The following DAAM1 variants were observed in gnomAD, a reference collection of about 807,000 sequenced individuals.
DAAM1 encodes disheveled-associated activator of morphogenesis 1.
Under a neutral mutation model 130.0 loss-of-function variants are expected in DAAM1, and 52 were observed. The observed-to-expected ratio is 0.40, with a 90% CI of 0.32 to 0.50. The LOEUF (loss-of-function observed/expected upper bound fraction) is 0.50. Among genes scored for constraint, DAAM1 ranks in the 20% least tolerant of loss-of-function variants. The pLI is 0.61. For missense variants in DAAM1, 1,134 were observed against 1,303.8 expected (o/e 0.87, Z 2.01); for synonymous variants, 452 against 444.5 (o/e 1.02, Z -0.21).
intron 17 of DAAM1, among the ~76,000 whole-genome samples, chr14:59,351,256 C>T (rs1398492714): frequency 1.3e-5 from 2 of 152,172 alleles, no homozygotes; most frequent in African/African-American, 4.8e-5. Context: ...AGGCCACCAT[C>T]ATCTCTCACC....
intron 1 of DAAM1, among the ~76,000 whole-genome samples, chr14:59,250,401 T>G (rs557758639): frequency 3.7e-4 from 56 of 152,372 alleles, no homozygotes; most frequent in African/African-American, 1.3e-3. Context: ...ACTATTTTTG[T>G]GGATGTACAA....
In DAAM1 at chr14:59,347,621, C is replaced by T. The variant is rs1886134381; in HGVS notation, c.2158C>T (p.Gln720Ter). The change falls in exon 17 of 25, where the codon CAG becomes TAG. Residue 720 changes from glutamine to a stop codon, truncating the protein, a stop_gained and splice_region_variant. Transcript: ENST00000360909. LOFTEE classifies it high-confidence loss of function. ...AGATCTGCCCAAGGACATGTTGGAA[C>T]AGGTGAGCTACCAGATGTATCTGAG... is the stretch of plus-strand genomic sequence containing the variant. ...QEDLPKDMLE[Q>*]LLKFVPEKSD... 1 of 1,613,398 alleles carries T rather than the reference C, an allele frequency of 6.2e-7. No homozygotes were observed. The highest frequency in any genetic ancestry group is 1.3e-5 in the African/African-American group (1 of 74,890).
Position 59,370,943 on chromosome 14 carries a change from A to G in DAAM1, c.*2084A>G, listed in dbSNP as rs1397315610. ...AATAGACAGGTGGAGGGAAAGTCACATAAAGGAGCAAGTTTGTGTAGCTGT... is the reference window on the plus strand; with the variant it reads ...AATAGACAGGTGGAGGGAAAGTCACGTAAAGGAGCAAGTTTGTGTAGCTGT... On this transcript the variant is annotated 3_prime_UTR_variant, in exon 25 of 25. Transcript: ENST00000360909. The G allele has an allele frequency of 1.3e-5, 2 of 152,010 alleles. No individual in the cohort carries two copies. Among genetic ancestry groups the G allele is most frequent in the Non-Finnish European group, 2.9e-5 (2 of 67,966 alleles). 9.4% of individuals were successfully genotyped at this position (152,010 alleles called of 1,614,324 possible).
rs1887068467 is a variant in DAAM1 at position 59,369,618 on chromosome 14, C to G, written c.*759C>G. The G allele has an allele frequency of 7.9e-6, 1 of 127,192 alleles. No homozygotes were observed. Among genetic ancestry groups the G allele is most frequent in the Non-Finnish European group, 1.8e-5 (1 of 55,574 alleles). The allele number at this position is 127,192 out of a possible 1,614,324, so 7.9% of individuals were successfully genotyped here. A position where few individuals can be genotyped will look rare whatever the true frequency, so the allele number is the denominator to read the frequency against. On this transcript the variant is annotated 3_prime_UTR_variant, in exon 25 of 25. Coordinates refer to ENST00000360909, the MANE Select transcript of DAAM1 (RefSeq NM_001270520.2). ...TTTGGAAAAAAACACTATATAAATG[C>G]AATCCATGCTTTTTTTAAAGAACAA...
chr14:59,216,661 A>G (rs1001576025), intron 1 of DAAM1, among the ~76,000 whole-genome samples: 3 of 152,082 alleles, frequency 2.0e-5, no homozygotes, highest in Non-Finnish European at 4.4e-5. Context: ...CAGAGGTTGC[A>G]GTGAGCTGAT....
chr14:59,219,997 G>C (rs1359831366), intron 1 of DAAM1, among the ~76,000 whole-genome samples: 1 of 152,190 alleles, frequency 6.6e-6, no homozygotes, highest in Non-Finnish European at 1.5e-5. Context: ...TATGGATGTA[G>C]CTATTGGTTT....
chr14:59,302,742 C>T (rs982038800), intron 3 of DAAM1, among the ~76,000 whole-genome samples: 1 of 152,296 alleles, frequency 6.6e-6, no homozygotes, highest in Admixed American at 6.5e-5. Flanking sequence ...GAAACTCCAC[C>T]TTCCAGGTTC....
At position 59,359,191 on chromosome 14, in the gene DAAM1, G is replaced by A. The variant is rs1886608611; in HGVS notation, c.2526-206G>A. The A allele has an allele frequency of 6.4e-6, 3 of 465,394 alleles. No individual in the cohort carries two copies. In the Admixed American group the frequency reaches 1.0e-4, roughly 16 times the overall value. The allele number at this position is 465,394 out of a possible 1,614,324, so 28.8% of individuals were successfully genotyped here. On this transcript the variant is annotated intron_variant, in intron 20 of 24. Coordinates refer to ENST00000360909, the MANE Select transcript of DAAM1 (RefSeq NM_001270520.2). ...GACATATATCTATGCAATCCCCATG[G>A]AGGCTCTCCCATTATTCCTGTCTCT... is the stretch of plus-strand genomic sequence containing the variant.
intron 15 of DAAM1, among the ~76,000 whole-genome samples, chr14:59,334,006 A>G (rs1374968663): frequency 6.6e-6 from 1 of 152,238 alleles, no homozygotes; most frequent in East Asian, 1.9e-4. Context: ...GTTATACTTA[A>G]CACTAAGTAG....
In DAAM1 at chr14:59,261,365, A is replaced by G. The variant is rs113863099; in HGVS notation, c.-37-2076A>G. Among the ~76,000 whole-genome samples the G allele has an allele frequency of 7.4e-4, 113 of 152,304 alleles. 1 individual carries two copies. Among genetic ancestry groups the G allele is most frequent in the African/African-American group, 2.5e-3 (104 of 41,560 alleles). On this transcript the variant is annotated intron_variant, in intron 1 of 24. Transcript: ENST00000360909. Reference sequence around the variant, plus strand: ...TAGTGAGTGACCTGTTCATTTCCATATGCTTAGGTGACTACTGTCATTCCT... The same window carrying G: ...TAGTGAGTGACCTGTTCATTTCCATGTGCTTAGGTGACTACTGTCATTCCT...
At chr14:59,357,638 C>T (rs1224279053) in intron 20 of DAAM1, among the ~76,000 whole-genome samples, 3 of 152,096 alleles carry the variant, frequency 2.0e-5, no homozygotes, top group African/African-American at 4.8e-5. Context: ...GTTATCCAGG[C>T]GTGGTGTCAT....
At chr14:59,367,366 T>TATTTATATTTGA in intron 23 of DAAM1, 63 bp from the exon 24 acceptor site, 1 of 1,528,276 alleles carries the variant, frequency 6.5e-7, no homozygotes, top group Non-Finnish European at 8.8e-7. Context: ...TTTCTCAAGT[T>TATTTATATTTGA]ATTTATATTT....
intron 1 of DAAM1, among the ~76,000 whole-genome samples, chr14:59,243,707 C>G (rs1057330806): frequency 6.6e-6 from 1 of 152,172 alleles, no homozygotes; most frequent in African/African-American, 2.4e-5. Context: ...TTTCCTTTCT[C>G]TCAGCAATCA....
rs398025271 is a variant in DAAM1 at position 59,370,144 on chromosome 14, CTTTTTTTTTTTTTTTTT to C, written c.*1295_*1311del. Reference sequence around the variant, plus strand: ...TATAAAGAGGACTGTTACTTTTTTACTTTTTTTTTTTTTTTTTTTTTTTTTTGGCTTTGCTTTATTTA... The same window carrying C: ...TATAAAGAGGACTGTTACTTTTTTACTTTTTTTTTGGCTTTGCTTTATTTA... On this transcript the variant is annotated 3_prime_UTR_variant, in exon 25 of 25. Transcript: ENST00000360909. 2 of 95,376 alleles carry C rather than the reference CTTTTTTTTTTTTTTTTT, an allele frequency of 2.1e-5. No homozygotes were observed. Among genetic ancestry groups the C allele is most frequent in the East Asian group, 3.2e-4 (1 of 3,166 alleles). The allele number at this position is 95,376 out of a possible 1,614,324, so 5.9% of individuals were successfully genotyped here. A position where few individuals can be genotyped will look rare whatever the true frequency, so the allele number is the denominator to read the frequency against.
intron 1 of DAAM1, among the ~76,000 whole-genome samples, chr14:59,201,254 G>A (rs1306148588): frequency 6.6e-6 from 1 of 151,934 alleles, no homozygotes; most frequent in African/African-American, 2.4e-5. Context: ...TTGGGTTCGG[G>A]AAATGTAGTT....
At chr14:59,300,369 T>C (rs1050812318) in intron 3 of DAAM1, among the ~76,000 whole-genome samples, 1 of 152,220 alleles carries the variant, frequency 6.6e-6, no homozygotes, top group East Asian at 1.9e-4. Context: ...GATGGAAAGA[T>C]AATAAAATAA....
intron 3 of DAAM1, among the ~76,000 whole-genome samples, chr14:59,311,527 A>T: frequency 6.6e-6 from 1 of 151,570 alleles, no homozygotes; most frequent in East Asian, 1.9e-4. Flanking sequence ...GTAAAATAAA[A>T]ATTTGCATGG....
At chr14:59,313,793 A>G (rs1015051757) in intron 3 of DAAM1, among the ~76,000 whole-genome samples, 2 of 152,238 alleles carry the variant, frequency 1.3e-5, no homozygotes, top group African/African-American at 2.4e-5. Flanking sequence ...ATGTTAAAGT[A>G]TAACCAAGGC....
At chr14:59,313,198 T>G (rs546568262) in intron 3 of DAAM1, among the ~76,000 whole-genome samples, 1 of 152,264 alleles carries the variant, frequency 6.6e-6, no homozygotes, top group East Asian at 1.9e-4. Flanking sequence ...AGATGGGAGT[T>G]TCACATGGCT....
Sources: gnomAD v4.1 joint callset for allele counts (sites outside exome capture counted in the v4.1 genomes callset) on GRCh38, gnomAD v4.1.1 for gene constraint, MANE v1.5 for transcripts, NCBI Gene and HGNC (gene_info 2026-07-23, HGNC 2026-07-21) for gene names.